Variants in FSTL4 observed in about 807,000 individuals in gnomAD.
The protein encoded by FSTL4 is follistatin like 4, also known as follistatin-related protein 4.
A neutral mutation model predicts 78.2 loss-of-function variants in FSTL4; 28 were observed. The observed-to-expected ratio is 0.36, with a 90% CI of 0.27 to 0.49. The LOEUF is 0.49. Ranked by LOEUF, FSTL4 falls within the 20% of genes least tolerant of loss-of-function variation. FSTL4 has a pLI of 0.98. For missense variants in FSTL4, 922 were observed against 1,084.9 expected (o/e 0.85, Z 2.11); for synonymous variants, 422 against 440.5 (o/e 0.96, Z 0.53).
intron 3 of FSTL4, among the ~76,000 whole-genome samples, chr5:133,479,602 GTA>G (rs1186551930): frequency 6.6e-6 from 1 of 152,230 alleles, no homozygotes; most frequent in African/African-American, 2.4e-5. Flanking sequence ...GACACATTGT[GTA>G]TGAGTCCATG....
At chr5:133,240,666 A>G (rs193200336) in intron 7 of FSTL4, among the ~76,000 whole-genome samples, 2 of 152,090 alleles carry the variant, frequency 1.3e-5, no homozygotes, top group Non-Finnish European at 2.9e-5. Flanking sequence ...CTTATCTCTT[A>G]GCGCATGACT....
chr5:133,486,270 G>C (rs1450728801), intron 3 of FSTL4, among the ~76,000 whole-genome samples: 1 of 151,804 alleles, frequency 6.6e-6, no homozygotes, highest in African/African-American at 2.4e-5. Flanking sequence ...CGAGGGGCGG[G>C]GAGAAACAGA....
chr5:133,831,076 GTGT>G, the FSTL4 span, among the ~76,000 whole-genome samples: 1 of 152,142 alleles, frequency 6.6e-6, no homozygotes, highest in African/African-American at 2.4e-5. Context: ...TTCTGCCCTG[GTGT>G]TGTAAAAGAT....
At chr5:133,527,560 G>A (rs1272088926) in intron 3 of FSTL4, among the ~76,000 whole-genome samples, 10 of 152,110 alleles carry the variant, frequency 6.6e-5, no homozygotes, top group Admixed American at 6.6e-4. Flanking sequence ...GACATAAAAT[G>A]CTGTTAAACA....
At chr5:133,802,388 TC>T in the FSTL4 span, among the ~76,000 whole-genome samples, 1 of 152,196 alleles carries the variant, frequency 6.6e-6, no homozygotes, top group Non-Finnish European at 1.5e-5. Context: ...GTCGTTATCT[TC>T]AGACACAGTA....
chr5:133,674,038 G>A, the FSTL4 span, among the ~76,000 whole-genome samples: 8 of 152,162 alleles, frequency 5.3e-5, no homozygotes, highest in Non-Finnish European at 8.8e-5. Flanking sequence ...GATAATTACA[G>A]TGCACGCTGT....
intron 4 of FSTL4, among the ~76,000 whole-genome samples, chr5:133,378,804 C>T (rs970109288): frequency 1.3e-5 from 2 of 151,896 alleles, no homozygotes; most frequent in African/African-American, 4.8e-5. Context: ...ACTTAAAATG[C>T]TACAACAGAA....
In FSTL4 at chr5:133,501,266, T is replaced by C. The variant is rs1758490484; in HGVS notation, c.160+65920A>G. 3.1e-5 allele frequency among the ~76,000 whole-genome samples: 3 copies of C among 97,252 alleles called. No individual in the cohort carries two copies. The South Asian group carries it at 9.9e-4, about 32-fold the overall frequency. The allele number at this position is 97,252 out of a possible 152,430, so 63.8% of individuals were successfully genotyped here. A position where few individuals can be genotyped will look rare whatever the true frequency, so the allele number is the denominator to read the frequency against. On this transcript the variant is annotated intron_variant, in intron 3 of 15. Transcript: ENST00000265342. ...CAATTTGTTATATGCCTTACAATTT[T>C]AAGAAAAAAAAAAAATAAAAAGCAA... is the stretch of plus-strand genomic sequence containing the variant.
At chr5:133,304,043 G>T (rs931890657) in intron 6 of FSTL4, among the ~76,000 whole-genome samples, 1 of 152,126 alleles carries the variant, frequency 6.6e-6, no homozygotes, top group Non-Finnish European at 1.5e-5. Flanking sequence ...GTGAGCTCTG[G>T]AAGGCTCAGG....
rs141120867 is a variant in FSTL4, at chr5:133,335,682, G to GGC, written c.410-19031_410-19030insGC. 5.8e-4 allele frequency among the ~76,000 whole-genome samples: 61 copies of GGC among 105,158 alleles called. No homozygotes were observed. In the South Asian group the frequency reaches 0.017, roughly 30 times the overall value. 69.0% of individuals were successfully genotyped at this position (105,158 alleles called of 152,430 possible). ...GAACAGCTCTCCCCTCCCCTTTCTTGGGGGGGGTGGCAATCAGAGTCCAAA... is the reference window on the plus strand; with the variant it reads ...GAACAGCTCTCCCCTCCCCTTTCTTGGCGGGGGGGTGGCAATCAGAGTCCAAA... On this transcript the variant is annotated intron_variant, in intron 4 of 15. Transcript: ENST00000265342.
At chr5:133,212,483 C>T (rs1182832881) in intron 13 of FSTL4, among the ~76,000 whole-genome samples, 1 of 152,224 alleles carries the variant, frequency 6.6e-6, no homozygotes, top group East Asian at 1.9e-4. Flanking sequence ...TCAACTCAGT[C>T]TCTACTCTCT....
the FSTL4 span, among the ~76,000 whole-genome samples, chr5:133,776,401 T>C: frequency 3.3e-5 from 5 of 152,168 alleles, no homozygotes; most frequent in African/African-American, 1.2e-4. Context: ...CTCCTTCTCC[T>C]TTCCCCTTCA....
the FSTL4 span, among the ~76,000 whole-genome samples, chr5:133,705,782 C>G: frequency 6.6e-6 from 1 of 152,044 alleles, no homozygotes; most frequent in Non-Finnish European, 1.5e-5. Context: ...CTCATCCTCT[C>G]CCTCACATTA....
intron 13 of FSTL4, among the ~76,000 whole-genome samples, chr5:133,216,616 G>T (rs1166413513): frequency 1.3e-5 from 2 of 152,228 alleles, no homozygotes; most frequent in Admixed American, 1.3e-4. Flanking sequence ...CTCCCAAAGT[G>T]CTGGGATTAT....
At chr5:133,418,380 C>G (rs1460331894) in intron 3 of FSTL4, among the ~76,000 whole-genome samples, 1 of 151,774 alleles carries the variant, frequency 6.6e-6, no homozygotes, top group Non-Finnish European at 1.5e-5. Context: ...AAGCATAATT[C>G]AAGAAACAGG....
chr5:133,255,321 G>T (rs894316707), intron 6 of FSTL4, among the ~76,000 whole-genome samples: 1 of 152,246 alleles, frequency 6.6e-6, no homozygotes, highest in Admixed American at 6.5e-5. Context: ...CCCACAGAGG[G>T]ACTGACGCCC....
At chr5:133,676,096 G>C in the FSTL4 span, among the ~76,000 whole-genome samples, 94 of 152,322 alleles carry the variant, frequency 6.2e-4, 1 homozygote, top group African/African-American at 2.1e-3. Flanking sequence ...TGCTGGAGTA[G>C]AGGATTTAAG....
At chr5:133,246,464 G>T (rs1255220195) in intron 7 of FSTL4, 1 of 152,298 alleles carries the variant, frequency 6.6e-6, no homozygotes, top group African/African-American at 2.4e-5. Context: ...CAGGCACTGA[G>T]CTGGGTCCTT....
chr5:133,664,320 T>A, the FSTL4 span, among the ~76,000 whole-genome samples: 58,883 of 151,254 alleles, frequency 0.39, 11,862 homozygotes, highest in African/African-American at 0.49. Context: ...CTTTTTTTTT[T>A]AAAAAAAATT....
Sources: gnomAD v4.1 joint callset for allele counts (sites outside exome capture counted in the v4.1 genomes callset) on GRCh38, gnomAD v4.1.1 for gene constraint, MANE v1.5 for transcripts, NCBI Gene and HGNC (gene_info 2026-07-23, HGNC 2026-07-21) for gene names.